Variants in ITPKB observed in about 807,000 individuals in gnomAD.
ITPKB encodes the protein inositol-trisphosphate 3-kinase B.
ITPKB carries 13 observed loss-of-function variants against 69.4 expected under a neutral mutation model. The observed-to-expected ratio is 0.19, with a 90% CI of 0.12 to 0.30. ITPKB has a LOEUF of 0.30. Among genes scored for constraint, ITPKB ranks in the 10% least tolerant of loss-of-function variants. ITPKB has a pLI of 1.00. For missense variants in ITPKB, 1,240 were observed against 1,250.5 expected (o/e 0.99, Z 0.13); for synonymous variants, 584 against 513.7 (o/e 1.14, Z -1.85).
chr1:226,721,348 C>T (rs1403017435), intron 2 of ITPKB, among the ~76,000 whole-genome samples: 1 of 64,658 alleles, frequency 1.5e-5, no homozygotes, highest in Non-Finnish European at 3.1e-5. Context: ...AACTCTGTCT[C>T]AAAAAAAAAA....
At chr1:226,647,925 T>G (rs1260686329) in intron 3 of ITPKB, among the ~76,000 whole-genome samples, 1 of 152,226 alleles carries the variant, frequency 6.6e-6, no homozygotes, top group Admixed American at 6.5e-5. Flanking sequence ...GTTGGGCCAG[T>G]GTGGCCAACG....
intron 6 of ITPKB, among the ~76,000 whole-genome samples, chr1:226,638,661 A>G (rs1051097747): frequency 8.6e-5 from 13 of 152,032 alleles, no homozygotes; most frequent in African/African-American, 3.1e-4. Context: ...AGCAACACAC[A>G]AGACAGAACT....
intron 2 of ITPKB, among the ~76,000 whole-genome samples, chr1:226,734,544 G>T (rs182432504): frequency 1.5e-3 from 229 of 152,272 alleles, no homozygotes; most frequent in African/African-American, 5.3e-3. Context: ...CTGGCACACT[G>T]AACTAGGAAA....
intron 2 of ITPKB, among the ~76,000 whole-genome samples, chr1:226,682,611 A>G (rs746269118): frequency 2.6e-5 from 4 of 152,210 alleles, no homozygotes; most frequent in Non-Finnish European, 5.9e-5. Context: ...AAGGTCTTCC[A>G]TAAGTGACAC....
At chr1:226,644,986 C>T (rs1558301073) in intron 4 of ITPKB, among the ~76,000 whole-genome samples, 1 of 152,234 alleles carries the variant, frequency 6.6e-6, no homozygotes, top group Non-Finnish European at 1.5e-5. Context: ...AAGGGCTGGG[C>T]TGCAGCTGGG....
rs912543612 is a variant in ITPKB at position 226,738,614 on chromosome 1, A to G, written c.-206+427T>C. 1.4e-4 allele frequency among the ~76,000 whole-genome samples: 21 copies of G among 152,130 alleles called. No homozygotes were observed. Among genetic ancestry groups the G allele is most frequent in the African/African-American group, 4.8e-4 (20 of 41,448 alleles). On this transcript the variant is annotated intron_variant, in intron 1 of 7. Coordinates refer to ENST00000429204, the MANE Select transcript of ITPKB (RefSeq NM_002221.4). This position sits in a 1 kb window ranked among gnomAD's most constrained non-coding sequence, Gnocchi z 4.2. ...GGAACTTAGGGGCGTGCATGGCTGC[A>G]GCCGGGCAGCAGCCCTAGGTGCACA...
intron 1 of ITPKB, among the ~76,000 whole-genome samples, chr1:226,737,928 C>T (rs1052126667): frequency 2.0e-5 from 3 of 152,174 alleles, no homozygotes; most frequent in South Asian, 2.1e-4. Context: ...AAATCCCAAT[C>T]CTAATACTCG....
rs1385355304 is a variant in ITPKB, at chr1:226,649,301, A to G, written c.1933-530T>C. ...TGCATGTGTGTGTGCGTGTGTGTGC[A>G]TGTGTGTGTGCATATGTGTGCATGA... On this transcript the variant is annotated intron_variant, in intron 2 of 7. Coordinates refer to ENST00000429204, the MANE Select transcript of ITPKB (RefSeq NM_002221.4). Among the ~76,000 whole-genome samples the G allele has an allele frequency of 2.7e-5, 4 of 145,792 alleles. No individual in the cohort carries two copies. The East Asian group carries it at 8.0e-4, about 29-fold the overall frequency.
At chr1:226,639,415 C>G in intron 6 of ITPKB, 142 bp downstream of exon 6, 1 of 633,564 alleles carries the variant, frequency 1.6e-6, no homozygotes, top group Non-Finnish European at 2.8e-6. Context: ...TGCCAGTGGC[C>G]TCTCTACAGA....
At position 226,735,978 on chromosome 1, in the gene ITPKB, G is replaced by A; in HGVS notation, c.1481C>T (p.Pro494Leu). 6.2e-7 allele frequency: 1 copy of A among 1,613,986 alleles called. No homozygotes were observed. The highest frequency in any genetic ancestry group is 8.5e-7 in the Non-Finnish European group (1 of 1,180,010). Residue 494 changes from proline (P) to leucine (L), a missense_variant, in exon 2 of 8, where the codon CCT becomes CTT. Pro to Leu is a moderately conservative substitution (Grantham distance 98, BLOSUM62 -3). Coordinates refer to ENST00000429204, the MANE Select transcript of ITPKB (RefSeq NM_002221.4). The stretch of plus-strand genomic sequence containing the variant: ...CTGCACACCCACCCTGTCCCCAGGA[G>A]GGCACTGAGGTTCTTTCAGATCTTT... ...AAKDLKEPQC[P>L]PGDRVGVQPG...
intron 2 of ITPKB, among the ~76,000 whole-genome samples, chr1:226,677,294 A>G (rs1289343465): frequency 1.3e-5 from 2 of 152,216 alleles, no homozygotes; most frequent in Non-Finnish European, 2.9e-5. Context: ...TGGCAGATTC[A>G]CCCTTCTCTA....
chr1:226,657,853 TC>T (rs1669326206), intron 2 of ITPKB, among the ~76,000 whole-genome samples: 5 of 151,962 alleles, frequency 3.3e-5, no homozygotes, highest in Admixed American at 3.3e-4. Context: ...GCTATCTGCT[TC>T]CCCCCTATTT....
At chr1:226,717,771 A>G (rs544083376) in intron 2 of ITPKB, among the ~76,000 whole-genome samples, 1 of 152,230 alleles carries the variant, frequency 6.6e-6, no homozygotes, top group East Asian at 1.9e-4. Flanking sequence ...AAGGGGCATG[A>G]CTCTATCCTG....
intron 2 of ITPKB, chr1:226,674,988 C>G (rs2102769406): frequency 6.6e-6 from 1 of 151,898 alleles, no homozygotes; most frequent in Non-Finnish European, 1.5e-5. Flanking sequence ...AGCAGGATGA[C>G]AAGGTGACTC....
intron 2 of ITPKB, among the ~76,000 whole-genome samples, chr1:226,725,187 C>G (rs1657371265): frequency 6.6e-6 from 1 of 152,252 alleles, no homozygotes; most frequent in Non-Finnish European, 1.5e-5. Flanking sequence ...TCCAATATGT[C>G]TATTGGCATT....
chr1:226,676,881 CTTA>C (rs1388451366), intron 2 of ITPKB, among the ~76,000 whole-genome samples: 2 of 152,176 alleles, frequency 1.3e-5, no homozygotes, highest in Non-Finnish European at 2.9e-5. Context: ...GTTCTTTATT[CTTA>C]TTTCACCTTT....
intron 2 of ITPKB, among the ~76,000 whole-genome samples, chr1:226,704,669 A>G (rs1213772552): frequency 6.6e-6 from 1 of 152,264 alleles, no homozygotes; most frequent in East Asian, 1.9e-4. Flanking sequence ...TCATTCTGCC[A>G]ACTTTACAGC....
chr1:226,731,630 G>C (rs989326358), intron 2 of ITPKB, among the ~76,000 whole-genome samples: 2 of 152,134 alleles, frequency 1.3e-5, no homozygotes, highest in East Asian at 3.8e-4. Context: ...CTAAGCTAGA[G>C]AAGCAGAGCC....
chr1:226,671,151 G>A lies in ITPKB; in HGVS notation c.1933-22380C>T, dbSNP rs116960605. ...GTTCCCTGAATGGGTTGACTGCTCC[G>A]TGAAGACCCCAAGGATCTCTAGAAG... is the stretch of plus-strand genomic sequence containing the variant. On this transcript the variant is annotated intron_variant, in intron 2 of 7. Coordinates refer to ENST00000429204, the MANE Select transcript of ITPKB (RefSeq NM_002221.4). Among the ~76,000 whole-genome samples the A allele has an allele frequency of 7.0e-4, 107 of 152,318 alleles. No individual in the cohort carries two copies. The East Asian group carries it at 0.019, about 27-fold the overall frequency.
Sources: allele counts gnomAD v4.1 joint callset (sites outside exome capture counted in the v4.1 genomes callset), GRCh38; gene constraint gnomAD v4.1.1; non-coding constraint Gnocchi (gnomAD v3.1); transcripts MANE v1.5; gene names NCBI Gene and HGNC (gene_info 2026-07-23, HGNC 2026-07-21).